The following YTHDC2 variants were observed in gnomAD, a reference collection of about 807,000 sequenced individuals.
YTHDC2 encodes the protein 3'-5' RNA helicase YTHDC2.
In YTHDC2, 45 loss-of-function variants were observed where a neutral mutation model predicts 174.9. The ratio of observed to expected loss-of-function variants is 0.26; its 90% confidence interval spans 0.20 to 0.33. YTHDC2 has a LOEUF of 0.33. YTHDC2 is among the 10% of genes least tolerant of loss of function. The pLI, the probability that YTHDC2 is intolerant of heterozygous loss-of-function variation, is 1.00. For missense variants in YTHDC2, 1,650 were observed against 1,723.7 expected (o/e 0.96, Z 0.76); for synonymous variants, 657 against 574.5 (o/e 1.14, Z -2.05).
chr5:113,521,173 TAAC>T (rs1237006833), intron 2 of YTHDC2, among the ~76,000 whole-genome samples: 1 of 152,212 alleles, frequency 6.6e-6, no homozygotes, highest in Non-Finnish European at 1.5e-5. Flanking sequence ...CCATGGATCA[TAAC>T]AAGTTTTATA....
intron 2 of YTHDC2, among the ~76,000 whole-genome samples, chr5:113,522,445 G>T (rs544364971): frequency 6.6e-6 from 1 of 151,980 alleles, no homozygotes; most frequent in Middle Eastern, 3.4e-3. Flanking sequence ...TTTATTTTTC[G>T]AAAGTTAGGT....
chr5:113,550,005 A>C (rs1375630923), intron 12 of YTHDC2, among the ~76,000 whole-genome samples: 1 of 152,190 alleles, frequency 6.6e-6, no homozygotes, highest in East Asian at 1.9e-4. Context: ...AGAGCAGGAA[A>C]ATTGTAGAAA....
intron 13 of YTHDC2, 73 bp from the exon 14 acceptor site, chr5:113,553,517 A>G (rs1776403394): frequency 1.3e-6 from 2 of 1,536,054 alleles, no homozygotes; most frequent in Admixed American, 3.5e-5. Flanking sequence ...CATGTGATAC[A>G]GATTTTTATA....
intron 10 of YTHDC2, among the ~76,000 whole-genome samples, chr5:113,547,725 T>A (rs546977448): frequency 6.7e-6 from 1 of 150,248 alleles, no homozygotes; most frequent in South Asian, 2.1e-4. Flanking sequence ...AAAAGAACAC[T>A]GATGTATATT....
rs1774783813 is a variant in YTHDC2 at position 113,532,991 on chromosome 5, A to G, written c.788A>G (p.Glu263Gly). 6.2e-7 allele frequency: 1 copy of G among 1,614,092 alleles called. No homozygotes were observed. The highest frequency in any genetic ancestry group is 1.1e-5 in the South Asian group (1 of 91,090). ...AIAVAERVAA[E>G]RRERIGQTIG... ...GCTGTGGCTGAAAGAGTTGCCGCAG[A>G]GAGACGGGAAAGGATTGGTCAAACA... The change falls in exon 5 of 30, where the codon GAG (glutamate) becomes GGG (glycine). Residue 263 changes from glutamate (E) to glycine (G), a missense_variant. By Grantham distance (98) the Glu-to-Gly change is moderately conservative. Around this residue, in one of 5 missense-constraint regions of YTHDC2, gnomAD observed 304 missense variants for 341.4 expected, o/e 0.89. Transcript: ENST00000161863.
intron 18 of YTHDC2, 22 bp from the exon 19 acceptor site, chr5:113,563,351 T>G (rs2112717278): frequency 6.4e-7 from 1 of 1,574,612 alleles, no homozygotes; most frequent in African/African-American, 1.4e-5. Flanking sequence ...TTTAAAAAAT[T>G]ATTTACTGTT....
chr5:113,517,716 C>T, intron 2 of YTHDC2: 1 of 367,586 alleles, frequency 2.7e-6, no homozygotes, highest in South Asian at 2.0e-5. Context: ...TTTGAGTAAA[C>T]TTTGTACTAT....
At chr5:113,528,109 G>A (rs990648097) in intron 4 of YTHDC2, among the ~76,000 whole-genome samples, 1 of 152,076 alleles carries the variant, frequency 6.6e-6, no homozygotes, top group Non-Finnish European at 1.5e-5. Context: ...TAGAGATTAT[G>A]GAAGTTTCGA....
At chr5:113,521,926 C>T (rs1475780013) in intron 2 of YTHDC2, among the ~76,000 whole-genome samples, 2 of 150,910 alleles carry the variant, frequency 1.3e-5, no homozygotes, top group African/African-American at 4.9e-5. Flanking sequence ...ATGAAGTGAA[C>T]TGGTTGGTTT....
In YTHDC2 at chr5:113,563,754, C is replaced by G. The variant is rs1226306428; in HGVS notation, c.2443-105C>G. The G allele has an allele frequency of 3.7e-6, 5 of 1,337,574 alleles. No homozygotes were observed. The African/African-American group carries it at 5.9e-5, about 16-fold the overall frequency. 82.9% of individuals were successfully genotyped at this position (1,337,574 alleles called of 1,614,324 possible). A position where few individuals can be genotyped will look rare whatever the true frequency, so the allele number is the denominator to read the frequency against. On this transcript the variant is annotated intron_variant, in intron 19 of 29. Coordinates refer to ENST00000161863, the MANE Select transcript of YTHDC2 (RefSeq NM_022828.5). ...AATATATTTTTATGAGATGTAGTAG[C>G]AAAAGAAAATCTATATTCTTATTTC...
chr5:113,581,083 T>G (rs6864369), intron 24 of YTHDC2, among the ~76,000 whole-genome samples: 31,693 of 152,064 alleles, frequency 0.21, 3,756 homozygotes, highest in Admixed American at 0.34. Flanking sequence ...CATGATCATT[T>G]GGATGTTCTA....
chr5:113,585,062 G>A (rs1364024521), intron 26 of YTHDC2, among the ~76,000 whole-genome samples: 1 of 151,458 alleles, frequency 6.6e-6, no homozygotes, highest in African/African-American at 2.4e-5. Context: ...TTACAGGTGT[G>A]AGCCACCATG....
intron 16 of YTHDC2, 68 bp from the exon 17 acceptor site, chr5:113,555,984 T>A: frequency 1.1e-6 from 1 of 922,556 alleles, no homozygotes; most frequent in Non-Finnish European, 1.6e-6. Flanking sequence ...AATATGTTGA[T>A]AACATTCTTG....
intron 4 of YTHDC2, among the ~76,000 whole-genome samples, chr5:113,532,156 G>A (rs1355759954): frequency 1.3e-5 from 2 of 152,158 alleles, no homozygotes; most frequent in Non-Finnish European, 2.9e-5. Context: ...GTTAAAATGG[G>A]CTAGGTAGAT....
chr5:113,536,621 T>G (rs1236203876), intron 7 of YTHDC2, among the ~76,000 whole-genome samples: 1 of 152,224 alleles, frequency 6.6e-6, no homozygotes, highest in Non-Finnish European at 1.5e-5. Context: ...CCCCTATCCT[T>G]GTTCCATGTC....
intron 23 of YTHDC2, among the ~76,000 whole-genome samples, chr5:113,570,833 T>C (rs1777666829): frequency 6.6e-6 from 1 of 152,124 alleles, no homozygotes; most frequent in Non-Finnish European, 1.5e-5. Flanking sequence ...TTTGTATTTT[T>C]AGTAGATTTG....
chr5:113,550,644 C>T (rs1776192834), intron 12 of YTHDC2, among the ~76,000 whole-genome samples: 1 of 152,020 alleles, frequency 6.6e-6, no homozygotes, highest in Non-Finnish European at 1.5e-5. Context: ...ATGAATGTTG[C>T]TTAGAAATAT....
intron 26 of YTHDC2, among the ~76,000 whole-genome samples, chr5:113,588,467 T>C (rs1462213316): frequency 6.6e-6 from 1 of 152,082 alleles, no homozygotes; most frequent in African/African-American, 2.4e-5. Flanking sequence ...TGTATGGTTT[T>C]GATGTCAGAG....
At chr5:113,531,610 C>T (rs1385863894) in intron 4 of YTHDC2, among the ~76,000 whole-genome samples, 4 of 151,862 alleles carry the variant, frequency 2.6e-5, no homozygotes, top group South Asian at 2.1e-4. Flanking sequence ...CCCAGGCATT[C>T]CAAGAGGGTT....
Sources: gnomAD v4.1 joint callset for allele counts (sites outside exome capture counted in the v4.1 genomes callset) on GRCh38, gnomAD v4.1.1 for gene constraint, gnomAD v4.1.1 regional missense constraint, MANE v1.5 for transcripts, NCBI Gene and HGNC (gene_info 2026-07-23, HGNC 2026-07-21) for gene names.